Variants in TPRG1 observed in about 807,000 individuals in gnomAD.
TPRG1 encodes tumor protein p63-regulated gene 1 protein.
Under a neutral mutation model 29.3 loss-of-function variants are expected in TPRG1, and 29 were observed. That is an observed-to-expected ratio of 0.99 (90% confidence interval 0.74 to 1.35). The LOEUF is 1.35. Among genes scored for constraint, TPRG1 ranks in the 40% most tolerant of loss-of-function variants. The pLI is 0.00. For missense variants in TPRG1, 327 were observed against 335.0 expected (o/e 0.98, Z 0.19); for synonymous variants, 130 against 116.8 (o/e 1.11, Z -0.73).
chr3:189,080,575 A>C (rs1717526365), intron 4 of TPRG1, among the ~76,000 whole-genome samples: 1 of 152,148 alleles, frequency 6.6e-6, no homozygotes, highest in African/African-American at 2.4e-5. Context: ...GAGAGGATGG[A>C]TCTGAGAGCA....
intron 3 of TPRG1, among the ~76,000 whole-genome samples, chr3:189,141,472 G>A (rs561642810): frequency 4.6e-5 from 7 of 152,248 alleles, no homozygotes; most frequent in East Asian, 3.9e-4. Context: ...CCAAGAAGCC[G>A]GAAGACAGGT....
chr3:189,150,421 T>C (rs1204329643), intron 4 of TPRG1, among the ~76,000 whole-genome samples: 1 of 152,178 alleles, frequency 6.6e-6, no homozygotes, highest in Non-Finnish European at 1.5e-5. Flanking sequence ...GACCTTGTGA[T>C]TCACCCGCCT....
Position 189,215,481 on chromosome 3 carries a change from T to G in TPRG1, c.302+98T>G, listed in dbSNP as rs77098951. The G allele has an allele frequency of 1.3e-3, 1,293 of 996,940 alleles. 18 individuals carry two copies. The East Asian group carries it at 0.031, about 24-fold the overall frequency. The allele number at this position is 996,940 out of a possible 1,614,324, so 61.8% of individuals were successfully genotyped here. ...AGATGGACCTGTGGTAGAATTTCTC[T>G]GGTTGCTACATAAGATAAATGATTG... is the stretch of plus-strand genomic sequence containing the variant. On this transcript the variant is annotated intron_variant, in intron 3 of 5. Coordinates refer to ENST00000345063, the MANE Select transcript of TPRG1 (RefSeq NM_198485.4).
At chr3:189,147,425 C>A (rs901132362) in intron 3 of TPRG1, among the ~76,000 whole-genome samples, 2 of 152,196 alleles carry the variant, frequency 1.3e-5, no homozygotes, top group African/African-American at 4.8e-5. Context: ...ACTACTACAC[C>A]AGCAGACGCA....
intron 4 of TPRG1, among the ~76,000 whole-genome samples, chr3:189,148,875 C>T (rs966212355): frequency 3.9e-5 from 6 of 152,308 alleles, no homozygotes; most frequent in Admixed American, 1.3e-4. Context: ...ATTCAGAGCC[C>T]GAAGAACTTC....
intron 5 of TPRG1, among the ~76,000 whole-genome samples, chr3:189,151,624 T>G (rs1388715663): frequency 6.6e-6 from 1 of 152,152 alleles, no homozygotes; most frequent in Non-Finnish European, 1.5e-5. Flanking sequence ...CTCATGCCTG[T>G]AATCCCAGAA....
At chr3:189,134,974 C>T (rs911940640) in intron 3 of TPRG1, among the ~76,000 whole-genome samples, 10 of 152,158 alleles carry the variant, frequency 6.6e-5, no homozygotes, top group African/African-American at 2.4e-4. Flanking sequence ...GACAGCCCAA[C>T]AGAAAAATAA....
At chr3:189,295,675 C>G (rs766770947) in intron 4 of TPRG1, among the ~76,000 whole-genome samples, 4 of 151,828 alleles carry the variant, frequency 2.6e-5, no homozygotes, top group Non-Finnish European at 4.4e-5. Flanking sequence ...ATTGTGTGTA[C>G]GTGCACATTT....
chr3:189,114,346 G>A (rs553892313), intron 1 of TPRG1, among the ~76,000 whole-genome samples: 3 of 152,082 alleles, frequency 2.0e-5, no homozygotes, highest in South Asian at 2.1e-4. Context: ...GCAGTGATGC[G>A]ATCTCGGCTC....
At chr3:189,271,686 A>G (rs1333942822) in intron 4 of TPRG1, among the ~76,000 whole-genome samples, 2 of 152,240 alleles carry the variant, frequency 1.3e-5, no homozygotes, top group Non-Finnish European at 2.9e-5. Flanking sequence ...GACCTTAGAG[A>G]GTTTCTAAGA....
intron 3 of TPRG1, among the ~76,000 whole-genome samples, chr3:189,225,533 C>A (rs1737595487): frequency 6.6e-6 from 1 of 152,102 alleles, no homozygotes; most frequent in African/African-American, 2.4e-5. Flanking sequence ...CAGTGTGTTT[C>A]CTTAAAGCAA....
intron 4 of TPRG1, among the ~76,000 whole-genome samples, chr3:189,257,415 T>A (rs1342144247): frequency 6.6e-6 from 1 of 152,182 alleles, no homozygotes; most frequent in African/African-American, 2.4e-5. Context: ...TAATCTGACC[T>A]TTCTCTCTGT....
At chr3:189,231,983 ATATC>A (rs1167352944) in intron 3 of TPRG1, among the ~76,000 whole-genome samples, 3 of 118,458 alleles carry the variant, frequency 2.5e-5, no homozygotes, top group Non-Finnish European at 5.9e-5. Context: ...GTTTGGGTGT[ATATC>A]TATCTCTTTC....
rs141310543 is a variant in TPRG1 at position 189,215,294 on chromosome 3, G to A, written c.213G>A (p.Pro71=). ...GGTATTTTCTCCTTTCCACACAGCC[G>A]GGGGCCATTGAGACTGCCATGGAAG... The part of the protein sequence containing the change: ...YISRKYFATR[P]GAIETAMEDL... The change falls in exon 3 of 6, where the codon CCG becomes CCA. Residue 71 remains proline (P), a splice_region_variant and synonymous_variant. Coordinates refer to ENST00000345063, the MANE Select transcript of TPRG1 (RefSeq NM_198485.4). The A allele has an allele frequency of 5.9e-5, 95 of 1,609,996 alleles. No homozygotes were observed. The highest frequency in any genetic ancestry group is 7.5e-5 in the Non-Finnish European group (88 of 1,178,298).
chr3:189,004,350 A>G (rs1207023542), intron 2 of TPRG1, among the ~76,000 whole-genome samples: 1 of 152,118 alleles, frequency 6.6e-6, no homozygotes, highest in Non-Finnish European at 1.5e-5. Context: ...TTCCTTGCTC[A>G]CTGTGATTAA....
In TPRG1 at chr3:189,272,682, C is replaced by CCTTTCTTTCTTTCTTT. The variant is rs58830987; in HGVS notation, c.479+33787_479+33788insTTCTTTCTTTCTTTCT. On this transcript the variant is annotated intron_variant, in intron 4 of 5. Transcript: ENST00000345063. ...CGTTTCTTTCTTCCTTCCTTTCTTT[C>CCTTTCTTTCTTTCTTT]CTTTCTTTCTTTCTCTTTCTTTCTT... Among the ~76,000 whole-genome samples, 77 of 140,198 alleles carry CCTTTCTTTCTTTCTTT rather than the reference C, an allele frequency of 5.5e-4. 1 individual carries two copies. Among genetic ancestry groups the CCTTTCTTTCTTTCTTT allele is most frequent in the African/African-American group, 2.1e-3 (72 of 33,568 alleles). 92.0% of individuals were successfully genotyped at this position (140,198 alleles called of 152,430 possible).
intron 4 of TPRG1, among the ~76,000 whole-genome samples, chr3:189,087,857 T>C (rs910991867): frequency 6.6e-6 from 1 of 152,120 alleles, no homozygotes; most frequent in Non-Finnish European, 1.5e-5. Flanking sequence ...TTCTGTTCCA[T>C]TGGTCTATAT....
chr3:189,311,728 G>A (rs1722522332), intron 5 of TPRG1, among the ~76,000 whole-genome samples: 1 of 152,002 alleles, frequency 6.6e-6, no homozygotes, highest in Admixed American at 6.6e-5. Context: ...AAACTAGCTT[G>A]GTATATGGAT....
At chr3:189,163,692 C>T (rs906247334) in intron 5 of TPRG1, among the ~76,000 whole-genome samples, 1 of 152,024 alleles carries the variant, frequency 6.6e-6, no homozygotes. Flanking sequence ...CTTAGTTTCC[C>T]GGAATGTAAA....
Sources: gnomAD v4.1 joint callset for allele counts (sites outside exome capture counted in the v4.1 genomes callset) on GRCh38, gnomAD v4.1.1 for gene constraint, MANE v1.5 for transcripts, NCBI Gene and HGNC (gene_info 2026-07-23, HGNC 2026-07-21) for gene names.